The following TTC17 variants were observed in gnomAD, a reference collection of about 807,000 sequenced individuals.
The protein encoded by TTC17 is tetratricopeptide repeat domain 17.
In TTC17, 58 loss-of-function variants were observed where a neutral mutation model predicts 143.8. The observed-to-expected ratio is 0.40, with a 90% confidence interval of 0.33 to 0.50. The LOEUF (loss-of-function observed/expected upper bound fraction) is 0.50, where lower values mean the gene tolerates loss of function less well. TTC17 is among the 20% of genes least tolerant of loss of function. TTC17 has a pLI of 0.49. For missense variants in TTC17, 1,273 were observed against 1,392.5 expected, an observed-to-expected ratio of 0.91 and a Z score of 1.37; for synonymous variants, 501 against 497.8, an observed-to-expected ratio of 1.01 and a Z score of -0.09.
intron 1 of TTC17, chr11:43,370,396 A>G (rs368078141): frequency 7.9e-4 from 146 of 185,460 alleles, no homozygotes; most frequent in African/African-American, 3.3e-3. Flanking sequence ...GTAAGGAGCA[A>G]GAAAATACAA....
chr11:43,380,696 T>C (rs145966350), intron 2 of TTC17, among the ~76,000 whole-genome samples: 1 of 152,356 alleles, frequency 6.6e-6, no homozygotes, highest in Non-Finnish European at 1.5e-5. Context: ...TTTAAAAAAA[T>C]CTGTGAATTA....
At chr11:43,364,835 C>T (rs1161158861) in intron 1 of TTC17, among the ~76,000 whole-genome samples, 1 of 152,098 alleles carries the variant, frequency 6.6e-6, no homozygotes, top group East Asian at 1.9e-4. Flanking sequence ...GACAGAGTTT[C>T]GCTCTTGTTG....
chr11:43,458,195 G>A (rs1434471142), intron 21 of TTC17, among the ~76,000 whole-genome samples: 2 of 152,034 alleles, frequency 1.3e-5, no homozygotes, highest in Non-Finnish European at 2.9e-5. Flanking sequence ...TATGTTGCTG[G>A]GGCTACACAC....
chr11:43,441,882 G>C (rs952341406), intron 16 of TTC17, among the ~76,000 whole-genome samples: 2 of 152,166 alleles, frequency 1.3e-5, no homozygotes, highest in Admixed American at 1.3e-4. Flanking sequence ...GGGTTACTGG[G>C]TTTGCAGAAC....
chr11:43,458,987 C>T (rs1021184386), intron 21 of TTC17, among the ~76,000 whole-genome samples: 1 of 151,214 alleles, frequency 6.6e-6, no homozygotes, highest in East Asian at 1.9e-4. Context: ...GTATAAGGTT[C>T]GGTACTATCC....
At chr11:43,464,165 G>A (rs889451835) in intron 21 of TTC17, among the ~76,000 whole-genome samples, 8 of 151,828 alleles carry the variant, frequency 5.3e-5, no homozygotes, top group Admixed American at 1.3e-4. Context: ...CTGTAATGCC[G>A]GGTACTCGGG....
chr11:43,392,005 T>A, intron 5 of TTC17, 53 bp downstream of exon 5: 1 of 1,534,152 alleles, frequency 6.5e-7, no homozygotes. Context: ...GGGCTCTGTG[T>A]AAACAGAAGA....
intron 20 of TTC17, among the ~76,000 whole-genome samples, chr11:43,450,945 G>A (rs1050667712): frequency 1.3e-5 from 2 of 152,126 alleles, no homozygotes; most frequent in Non-Finnish European, 2.9e-5. Context: ...GTGTTCTAGT[G>A]TTGCTATAAT....
chr11:43,477,638 C>T (rs202065974), intron 21 of TTC17, among the ~76,000 whole-genome samples: 11 of 152,118 alleles, frequency 7.2e-5, no homozygotes, highest in Non-Finnish European at 5.9e-5. Context: ...TGGGAAAGAC[C>T]GGCCCCCATG....
chr11:43,443,979 C>A, intron 17 of TTC17, 77 bp from the exon 18 acceptor site: 1 of 1,476,362 alleles, frequency 6.8e-7, no homozygotes, highest in Non-Finnish European at 9.1e-7. Flanking sequence ...CTTGGTTATT[C>A]TTAAACTAGT....
intron 21 of TTC17, chr11:43,466,739 CA>C: frequency 6.3e-6 from 2 of 315,228 alleles, no homozygotes; most frequent in Non-Finnish European, 6.3e-6. Flanking sequence ...CTGCCATGGC[CA>C]AATGGTGGGA....
intron 1 of TTC17, among the ~76,000 whole-genome samples, chr11:43,363,247 T>C (rs1259646906): frequency 6.6e-6 from 1 of 152,220 alleles, no homozygotes; most frequent in Non-Finnish European, 1.5e-5. Flanking sequence ...ATCCCTAGTT[T>C]GGCAATATCT....
At chr11:43,365,775 A>AT (rs1412555100) in intron 1 of TTC17, among the ~76,000 whole-genome samples, 1 of 152,184 alleles carries the variant, frequency 6.6e-6, no homozygotes, top group Non-Finnish European at 1.5e-5. Flanking sequence ...AGGATTCTAC[A>AT]TTTTTATCAA....
intron 16 of TTC17, among the ~76,000 whole-genome samples, chr11:43,441,296 T>C (rs981647751): frequency 2.0e-5 from 3 of 150,408 alleles, no homozygotes; most frequent in Non-Finnish European, 3.0e-5. Flanking sequence ...AAAAAGTCCC[T>C]ATGGGGAGTG....
chr11:43,452,533 G>A (rs934378226), intron 21 of TTC17, among the ~76,000 whole-genome samples: 12 of 151,512 alleles, frequency 7.9e-5, no homozygotes, highest in Non-Finnish European at 1.5e-4. Flanking sequence ...GAATGAATGA[G>A]TGAATGAATG....
intron 16 of TTC17, among the ~76,000 whole-genome samples, chr11:43,422,915 TAGAA>T (rs1195533168): frequency 6.6e-6 from 1 of 152,166 alleles, no homozygotes; most frequent in African/African-American, 2.4e-5. Flanking sequence ...ATTCTAAAAA[TAGAA>T]AGCCCTGCAG....
chr11:43,493,807 C>T lies in TTC17; in HGVS notation c.3329C>T (p.Ser1110Phe). The T allele has an allele frequency of 6.2e-7, 1 of 1,614,104 alleles. No individual in the cohort carries two copies. The change falls in exon 24 of 24, where the codon TCC becomes TTC. Residue 1110 changes from serine (S) to phenylalanine (F), a missense_variant. Coordinates refer to ENST00000039989, the MANE Select transcript of TTC17 (RefSeq NM_018259.6). The part of the protein sequence containing the change: ...EFEKALVWYE[S>F]TLKLQPEFVP... The stretch of plus-strand genomic sequence containing the variant: ...GAAAAAGCACTGGTGTGGTATGAAT[C>T]CACATTGAAGCTTCAGCCCGAGTTT...
chr11:43,478,057 G>A (rs1337793388), intron 21 of TTC17, among the ~76,000 whole-genome samples: 1 of 152,098 alleles, frequency 6.6e-6, no homozygotes, highest in African/African-American at 2.4e-5. Flanking sequence ...ATCTAAACCA[G>A]TCACTTCTGT....
intron 2 of TTC17, among the ~76,000 whole-genome samples, chr11:43,386,086 A>T (rs1857158930): frequency 6.6e-6 from 1 of 152,030 alleles, no homozygotes; most frequent in African/African-American, 2.4e-5. Flanking sequence ...AAATTGATTG[A>T]ATAAATGGGG....
Sources: allele counts gnomAD v4.1 joint callset (sites outside exome capture counted in the v4.1 genomes callset), GRCh38; gene constraint gnomAD v4.1.1; transcripts MANE v1.5; gene names NCBI Gene and HGNC (gene_info 2026-07-23, HGNC 2026-07-21).